Variants in ITGB3BP observed in about 807,000 individuals in gnomAD.
ITGB3BP encodes the protein integrin subunit beta 3 binding protein.
ITGB3BP carries 27 observed loss-of-function variants against 29.1 expected under a neutral mutation model. The observed-to-expected ratio is 0.93, with a 90% confidence interval of 0.68 to 1.28. The LOEUF (loss-of-function observed/expected upper bound fraction) is 1.28. ITGB3BP is among the 50% of genes most tolerant of loss of function. The pLI is 0.00. For synonymous variants in ITGB3BP, 61 were observed against 61.4 expected, an observed-to-expected ratio of 0.99 and a Z score of 0.03; for missense variants, 192 against 200.2, an observed-to-expected ratio of 0.96 and a Z score of 0.25.
In ITGB3BP at chr1:63,447,470, G is replaced by A. The variant is rs370729336; in HGVS notation, c.485-614C>T. On this transcript the variant is annotated intron_variant, in intron 7 of 8. Coordinates refer to ENST00000271002, the MANE Select transcript of ITGB3BP (RefSeq NM_014288.5). ...CAAAGAGGAGCCCAGAAAGAGTCCTGTAACCAGGCAATTACAATGCACTAC... is the reference window on the plus strand; with the variant it reads ...CAAAGAGGAGCCCAGAAAGAGTCCTATAACCAGGCAATTACAATGCACTAC... 131 of 433,572 alleles carry A rather than the reference G, an allele frequency of 3.0e-4. 3 individuals carry two copies. Among genetic ancestry groups the A allele is most frequent in the South Asian group, 2.0e-3 (123 of 60,430 alleles). The allele number at this position is 433,572 out of a possible 1,614,324, so 26.9% of individuals were successfully genotyped here. A position where few individuals can be genotyped will look rare whatever the true frequency, so the allele number is the denominator to read the frequency against.
chr1:63,467,824 C>T (rs1332573559), intron 4 of ITGB3BP, among the ~76,000 whole-genome samples: 1 of 152,166 alleles, frequency 6.6e-6, no homozygotes, highest in Non-Finnish European at 1.5e-5. Flanking sequence ...AATTACCCAA[C>T]CCAAATGTCA....
intron 3 of ITGB3BP, among the ~76,000 whole-genome samples, chr1:63,485,588 A>T (rs1014250213): frequency 1.3e-5 from 2 of 151,978 alleles, no homozygotes; most frequent in South Asian, 4.2e-4. Flanking sequence ...GCTTTTTGCA[A>T]TTCCACTCCT....
intron 2 of ITGB3BP, among the ~76,000 whole-genome samples, chr1:63,499,352 T>C (rs1031752201): frequency 6.6e-6 from 1 of 152,026 alleles, no homozygotes; most frequent in African/African-American, 2.4e-5. Context: ...GGTTTCTCCA[T>C]GTTGGTCAGG....
At chr1:63,499,495 C>T (rs376570034) in intron 2 of ITGB3BP, among the ~76,000 whole-genome samples, 3 of 152,234 alleles carry the variant, frequency 2.0e-5, no homozygotes, top group Admixed American at 6.5e-5. Flanking sequence ...TTCTCAAACT[C>T]TCCAAAAATA....
chr1:63,501,816 CATAACAATG>C lies in ITGB3BP; in HGVS notation c.48+6703_48+6711del, dbSNP rs544303762. 8.6e-4 allele frequency among the ~76,000 whole-genome samples: 130 copies of C among 150,456 alleles called. 2 individuals carry two copies. In the Middle Eastern group the frequency reaches 0.014, roughly 16 times the overall value. The stretch of plus-strand genomic sequence containing the variant: ...GGTTGAGGCTGCAGTGAGCTGTGAT[CATAACAATG>C]TACTCCAGCCTGGGCAACAGAGTGA... On this transcript the variant is annotated intron_variant, in intron 2 of 8. Transcript: ENST00000271002.
upstream of ITGB3BP, among the ~76,000 whole-genome samples, chr1:63,526,725 T>C (rs191255277): frequency 6.6e-6 from 1 of 152,358 alleles, no homozygotes; most frequent in Admixed American, 6.5e-5. Context: ...TAAGTATTTG[T>C]GTTTAATTCA....
At chr1:63,516,957 T>C (rs1204637987) in intron 1 of ITGB3BP, among the ~76,000 whole-genome samples, 6 of 151,866 alleles carry the variant, frequency 4.0e-5, no homozygotes, top group Admixed American at 2.6e-4. Context: ...AATATATCCT[T>C]GTAACAAATC....
chr1:63,462,830 T>A lies in ITGB3BP; in HGVS notation c.255-7862A>T, dbSNP rs1645038922. Among the ~76,000 whole-genome samples the A allele has an allele frequency of 2.0e-5, 3 of 152,288 alleles. No individual in the cohort carries two copies. In the South Asian group the frequency reaches 6.2e-4, roughly 32 times the overall value. The stretch of plus-strand genomic sequence containing the variant: ...TGCAAAACAAAACAACAAAAATTTT[T>A]AAAAAACCAGTTCTGGCATAACTCA... On this transcript the variant is annotated intron_variant, in intron 4 of 8. Coordinates refer to ENST00000271002, the MANE Select transcript of ITGB3BP (RefSeq NM_014288.5).
chr1:63,496,584 T>C (rs1210662343), intron 2 of ITGB3BP, among the ~76,000 whole-genome samples: 1 of 152,220 alleles, frequency 6.6e-6, no homozygotes, highest in Non-Finnish European at 1.5e-5. Flanking sequence ...ACCTCAGGGA[T>C]AATTTGACAG....
At chr1:63,469,427 A>C (rs184809228) in intron 4 of ITGB3BP, among the ~76,000 whole-genome samples, 1 of 152,148 alleles carries the variant, frequency 6.6e-6, no homozygotes, top group African/African-American at 2.4e-5. Flanking sequence ...CCCGGGTTCA[A>C]GCAATTCTCC....
chr1:63,497,340 T>C (rs1645811908), intron 2 of ITGB3BP, among the ~76,000 whole-genome samples: 1 of 152,116 alleles, frequency 6.6e-6, no homozygotes, highest in African/African-American at 2.4e-5. Flanking sequence ...TCCTTAACTT[T>C]TGAACATTCT....
intron 8 of ITGB3BP, among the ~76,000 whole-genome samples, chr1:63,445,178 C>T (rs981620842): frequency 1.1e-4 from 17 of 151,944 alleles, no homozygotes; most frequent in Non-Finnish European, 1.3e-4. Flanking sequence ...CCCAGCTACT[C>T]GGGAGGCTGG....
chr1:63,454,777 A>G lies in ITGB3BP; in HGVS notation c.333+113T>C. ...TATTAAAAAAAAAATTCCCATGAAA[A>G]GTAAATTAAACATACTCTATGCAAA... On this transcript the variant is annotated intron_variant, in intron 5 of 8. Transcript: ENST00000271002. The surrounding 1 kb of genome is among the most constrained non-coding windows in gnomAD (Gnocchi z 4.1). The G allele has an allele frequency of 2.0e-6, 1 of 493,798 alleles. No individual in the cohort carries two copies. The highest frequency in any genetic ancestry group is 3.7e-5 in the Admixed American group (1 of 26,842). The allele number at this position is 493,798 out of a possible 1,614,324, so 30.6% of individuals were successfully genotyped here. A position where few individuals can be genotyped will look rare whatever the true frequency, so the allele number is the denominator to read the frequency against.
intron 2 of ITGB3BP, among the ~76,000 whole-genome samples, chr1:63,498,606 A>G (rs1342881583): frequency 6.6e-6 from 1 of 151,958 alleles, no homozygotes; most frequent in African/African-American, 2.4e-5. Flanking sequence ...GTTAAAAGAG[A>G]CAGCTCTCAT....
chr1:63,474,906 T>TA (rs1338301203), intron 4 of ITGB3BP, among the ~76,000 whole-genome samples: 2 of 17,530 alleles, frequency 1.1e-4, no homozygotes, highest in African/African-American at 1.4e-4. Context: ...AAAAAATAAA[T>TA]AAATAAAATA....
At chr1:63,441,714 C>A (rs992435878) in intron 8 of ITGB3BP, among the ~76,000 whole-genome samples, 2 of 152,108 alleles carry the variant, frequency 1.3e-5, no homozygotes. Flanking sequence ...GCCTTAGGGG[C>A]CTTTCAGCAG....
intron 3 of ITGB3BP, among the ~76,000 whole-genome samples, chr1:63,487,975 T>A (rs1158381096): frequency 6.6e-6 from 1 of 152,134 alleles, no homozygotes; most frequent in Non-Finnish European, 1.5e-5. Flanking sequence ...TGTCACTGAC[T>A]GAAATGTTAT....
At chr1:63,503,279 T>G (rs1304011153) in intron 2 of ITGB3BP, among the ~76,000 whole-genome samples, 1 of 152,198 alleles carries the variant, frequency 6.6e-6, no homozygotes, top group East Asian at 1.9e-4. Flanking sequence ...TGATGAGCAT[T>G]TTTTCATGTG....
chr1:63,470,336 T>A (rs1242157095), intron 4 of ITGB3BP, among the ~76,000 whole-genome samples: 1 of 152,228 alleles, frequency 6.6e-6, no homozygotes, highest in Non-Finnish European at 1.5e-5. Flanking sequence ...TTTGGGAGTC[T>A]ATTAGTATAG....
Sources: allele counts gnomAD v4.1 joint callset (sites outside exome capture counted in the v4.1 genomes callset), GRCh38; gene constraint gnomAD v4.1.1; non-coding constraint Gnocchi (gnomAD v3.1); transcripts MANE v1.5; gene names NCBI Gene and HGNC (gene_info 2026-07-23, HGNC 2026-07-21).